The following SEC23IP variants were observed in gnomAD, a reference collection of about 807,000 sequenced individuals.
SEC23IP encodes SEC23 interacting protein.
SEC23IP carries 70 observed loss-of-function variants against 113.4 expected under a neutral mutation model. That is an observed-to-expected ratio of 0.62 (90% CI 0.51 to 0.75). SEC23IP has a LOEUF of 0.75. Among genes scored for constraint, SEC23IP ranks in the 30% least tolerant of loss-of-function variants. The pLI is 0.00. For synonymous variants in SEC23IP, 398 were observed against 421.0 expected (o/e 0.95, Z 0.67); for missense variants, 1,160 against 1,204.9 (o/e 0.96, Z 0.55).
chr10:119,908,293 A>G (rs774335641), intron 4 of SEC23IP, among the ~76,000 whole-genome samples: 6 of 152,150 alleles, frequency 3.9e-5, no homozygotes, highest in Admixed American at 2.6e-4. Context: ...GTGGCAATGA[A>G]CTACAGTTCT....
At chr10:119,899,797 T>A (rs943050935) in intron 2 of SEC23IP, among the ~76,000 whole-genome samples, 1 of 152,178 alleles carries the variant, frequency 6.6e-6, no homozygotes, top group African/African-American at 2.4e-5. Flanking sequence ...TTTAAAAAGG[T>A]TTTTAGATAA....
rs755683666 is a variant in SEC23IP at position 119,902,907 on chromosome 10, G to C, written c.805G>C (p.Val269Leu). 1.2e-6 allele frequency: 2 copies of C among 1,614,150 alleles called. No homozygotes were observed. The highest frequency in any genetic ancestry group is 2.2e-5 in the South Asian group (2 of 91,082). The part of the protein sequence containing the change: ...PFLLQNQYEP[V>L]QPHWFYCKEV... Reference sequence around the variant, plus strand: ...TCTACTTCAAAACCAATATGAGCCTGTTCAGCCCCACTGGTTTTACTGCAA... The same window carrying C: ...TCTACTTCAAAACCAATATGAGCCTCTTCAGCCCCACTGGTTTTACTGCAA... Residue 269 changes from valine to leucine, a missense_variant, in exon 3 of 19, where the codon GTT (valine) becomes CTT (leucine). Coordinates refer to ENST00000369075, the MANE Select transcript of SEC23IP (RefSeq NM_007190.4).
At chr10:119,927,284 T>C (rs1855453234) in intron 13 of SEC23IP, among the ~76,000 whole-genome samples, 1 of 152,232 alleles carries the variant, frequency 6.6e-6, no homozygotes, top group Non-Finnish European at 1.5e-5. Context: ...ATTTCCTTAT[T>C]ATTGAAGGTA....
intron 17 of SEC23IP, 136 bp downstream of exon 17, chr10:119,933,303 C>T (rs574057952): frequency 7.6e-6 from 6 of 793,150 alleles, no homozygotes; most frequent in South Asian, 5.3e-5. Flanking sequence ...TGTTCAGAAT[C>T]GTTATTTTTC....
chr10:119,923,259 T>A (rs986500195), intron 12 of SEC23IP, among the ~76,000 whole-genome samples: 1 of 152,122 alleles, frequency 6.6e-6, no homozygotes, highest in Non-Finnish European at 1.5e-5. Flanking sequence ...TGCCTTTGGA[T>A]GAACCATGAA....
intron 4 of SEC23IP, among the ~76,000 whole-genome samples, chr10:119,906,327 T>G (rs1854664562): frequency 6.7e-6 from 1 of 149,038 alleles, no homozygotes; most frequent in African/African-American, 2.5e-5. Flanking sequence ...ATTATGTTCA[T>G]GTAGGCACTA....
At chr10:119,895,954 C>T (rs1854270995) in intron 1 of SEC23IP, among the ~76,000 whole-genome samples, 1 of 152,108 alleles carries the variant, frequency 6.6e-6, no homozygotes, top group African/African-American at 2.4e-5. Context: ...TGTTGGGGAG[C>T]CTTTGAAGGA....
In SEC23IP at chr10:119,942,597, C is replaced by T. The variant is rs1855996255; in HGVS notation, c.*2032C>T. Reference sequence around the variant, plus strand: ...AGCCCCTAATCTGGTTTAATGCCCTCCTTTTCCCCAGATAAAGAAAGTCAT... The same window carrying T: ...AGCCCCTAATCTGGTTTAATGCCCTTCTTTTCCCCAGATAAAGAAAGTCAT... On this transcript the variant is annotated 3_prime_UTR_variant, in exon 19 of 19. Coordinates refer to ENST00000369075, the MANE Select transcript of SEC23IP (RefSeq NM_007190.4). 6.6e-6 allele frequency: 1 copy of T among 152,148 alleles called. No homozygotes were observed. The highest frequency in any genetic ancestry group is 2.1e-4 in the South Asian group (1 of 4,828). 9.4% of individuals were successfully genotyped at this position (152,148 alleles called of 1,614,324 possible). A position where few individuals can be genotyped will look rare whatever the true frequency, so the allele number is the denominator to read the frequency against.
chr10:119,906,161 G>C (rs926850995), intron 4 of SEC23IP, among the ~76,000 whole-genome samples: 2 of 151,646 alleles, frequency 1.3e-5, no homozygotes, highest in South Asian at 2.1e-4. Flanking sequence ...CCATGCCTGT[G>C]GTCTTAGCTA....
chr10:119,912,002 A>AT, intron 5 of SEC23IP, 42 bp from the exon 6 acceptor site: 8 of 1,610,856 alleles, frequency 5.0e-6, no homozygotes, highest in Non-Finnish European at 6.8e-6. Flanking sequence ...GTGGAAAAGA[A>AT]TTTGTTAATG....
intron 12 of SEC23IP, among the ~76,000 whole-genome samples, chr10:119,922,938 A>G (rs564001939): frequency 1.3e-5 from 2 of 152,020 alleles, no homozygotes; most frequent in South Asian, 4.1e-4. Flanking sequence ...TTCTGTATAC[A>G]GGCTGCGTGC....
chr10:119,935,868 T>A (rs1183568021), intron 18 of SEC23IP, among the ~76,000 whole-genome samples: 1 of 152,176 alleles, frequency 6.6e-6, no homozygotes, highest in Non-Finnish European at 1.5e-5. Context: ...GCGAGCCAGG[T>A]GGATATCTGG....
chr10:119,929,532 C>T lies in SEC23IP; in HGVS notation c.2314-75C>T, dbSNP rs369263782. 3 of 1,334,954 alleles carry T rather than the reference C, an allele frequency of 2.2e-6. No homozygotes were observed. The East Asian group carries it at 6.9e-5, about 31-fold the overall frequency. The allele number at this position is 1,334,954 out of a possible 1,614,324, so 82.7% of individuals were successfully genotyped here. Reference sequence around the variant, plus strand: ...TACAGGCATGAGCCACCACGCCCGGCCTGAAAATTCAAAAGAATTTTCTAC... The same window carrying T: ...TACAGGCATGAGCCACCACGCCCGGTCTGAAAATTCAAAAGAATTTTCTAC... On this transcript the variant is annotated intron_variant, in intron 13 of 18. Coordinates refer to ENST00000369075, the MANE Select transcript of SEC23IP (RefSeq NM_007190.4).
Position 119,942,127 on chromosome 10 carries a change from C to A in SEC23IP, c.*1562C>A. On this transcript the variant is annotated 3_prime_UTR_variant, in exon 19 of 19. Coordinates refer to ENST00000369075, the MANE Select transcript of SEC23IP (RefSeq NM_007190.4). ...TATTTATATACATTTCAATAAAATC[C>A]AATTTGATTTTTCAACTTACATCTG... 6.6e-6 allele frequency: 1 copy of A among 151,818 alleles called. No individual in the cohort carries two copies. 9.4% of individuals were successfully genotyped at this position (151,818 alleles called of 1,614,324 possible). A position where few individuals can be genotyped will look rare whatever the true frequency, so the allele number is the denominator to read the frequency against.
chr10:119,932,835 T>G (rs549312712), intron 16 of SEC23IP, among the ~76,000 whole-genome samples, 170 bp from the exon 17 acceptor site: 1 of 152,346 alleles, frequency 6.6e-6, no homozygotes, highest in South Asian at 2.1e-4. Flanking sequence ...CTCTCTCGGG[T>G]AACCAGCCCC....
chr10:119,897,221 T>TC (rs1353046283), intron 1 of SEC23IP, among the ~76,000 whole-genome samples: 1 of 152,058 alleles, frequency 6.6e-6, no homozygotes, highest in Non-Finnish European at 1.5e-5. Context: ...GCAGGGAAGA[T>TC]TAGGAGGAGG....
rs975727307 is a variant in SEC23IP at position 119,942,839 on chromosome 10, C to G, written c.*2274C>G. On this transcript the variant is annotated 3_prime_UTR_variant, in exon 19 of 19. Transcript: ENST00000369075. ...GAATCCAACCAGACAAGCATGTTTT[C>G]TCAAAACCACAGTATAAGACAAGGA... is the stretch of plus-strand genomic sequence containing the variant. The G allele has an allele frequency of 1.3e-5, 2 of 152,132 alleles. No homozygotes were observed. 9.4% of individuals were successfully genotyped at this position (152,132 alleles called of 1,614,324 possible). A position where few individuals can be genotyped will look rare whatever the true frequency, so the allele number is the denominator to read the frequency against.
chr10:119,906,696 C>T (rs1259541326), intron 4 of SEC23IP, among the ~76,000 whole-genome samples: 2 of 152,104 alleles, frequency 1.3e-5, no homozygotes, highest in Non-Finnish European at 2.9e-5. Flanking sequence ...CTGCCTCAGC[C>T]TTCCGAGTTG....
At chr10:119,930,484 T>A in intron 15 of SEC23IP, 53 bp downstream of exon 15, 1 of 1,067,654 alleles carries the variant, frequency 9.4e-7, no homozygotes, top group Non-Finnish European at 1.4e-6. Flanking sequence ...TAATCTGTAA[T>A]GAATTATGAA....
Sources: allele counts gnomAD v4.1 joint callset (sites outside exome capture counted in the v4.1 genomes callset), GRCh38; gene constraint gnomAD v4.1.1; transcripts MANE v1.5; gene names NCBI Gene and HGNC (gene_info 2026-07-23, HGNC 2026-07-21).